Variants in KCNH1 observed in about 807,000 individuals in gnomAD.
KCNH1 encodes voltage-gated delayed rectifier potassium channel KCNH1.
A neutral mutation model predicts 69.2 loss-of-function variants in KCNH1; 27 were observed. That is an observed-to-expected ratio of 0.39 (90% CI 0.29 to 0.54). The LOEUF (loss-of-function observed/expected upper bound fraction) is 0.54. Among genes scored for constraint, KCNH1 ranks in the 20% least tolerant of loss-of-function variants. The pLI is 0.68. For missense variants in KCNH1, 798 were observed against 1,261.6 expected (o/e 0.63, Z 5.57); for synonymous variants, 456 against 487.7 (o/e 0.93, Z 0.86).
intron 7 of KCNH1, among the ~76,000 whole-genome samples, chr1:210,804,891 T>G (rs1684502792): frequency 6.6e-6 from 1 of 152,168 alleles, no homozygotes; most frequent in Non-Finnish European, 1.5e-5. Flanking sequence ...TCAAGTCCCC[T>G]TTGAGACATA....
At chr1:210,964,386 G>A (rs1402655599) in intron 6 of KCNH1, among the ~76,000 whole-genome samples, 1 of 152,028 alleles carries the variant, frequency 6.6e-6, no homozygotes, top group Non-Finnish European at 1.5e-5. Flanking sequence ...CAATTAACAG[G>A]CAGAAAAACT....
At chr1:210,958,959 G>A (rs533378838) in intron 6 of KCNH1, among the ~76,000 whole-genome samples, 6 of 152,152 alleles carry the variant, frequency 3.9e-5, no homozygotes, top group East Asian at 1.9e-4. Context: ...CATTTCTGGC[G>A]AGGAGCTGCG....
chr1:211,014,319 C>A (rs1231367696), intron 6 of KCNH1, among the ~76,000 whole-genome samples: 2 of 152,190 alleles, frequency 1.3e-5, no homozygotes, highest in Non-Finnish European at 2.9e-5. Context: ...TTTGACATAC[C>A]CGTTCTAAGC....
intron 6 of KCNH1, among the ~76,000 whole-genome samples, chr1:210,924,873 C>T (rs73071583): frequency 0.032 from 4,796 of 151,232 alleles, 205 homozygotes; most frequent in African/African-American, 0.1. Flanking sequence ...CACTGAGGCA[C>T]TCACAGATAC....
intron 10 of KCNH1, among the ~76,000 whole-genome samples, chr1:210,722,300 T>A (rs960210705): frequency 3.3e-5 from 5 of 151,950 alleles, no homozygotes; most frequent in African/African-American, 1.2e-4. Flanking sequence ...GGCTTCAGTG[T>A]TTCTTGTTAT....
chr1:210,981,678 C>A (rs911871305), intron 6 of KCNH1, among the ~76,000 whole-genome samples: 3 of 152,248 alleles, frequency 2.0e-5, no homozygotes, highest in African/African-American at 7.2e-5. Flanking sequence ...TCTGTACTGT[C>A]AAATGAAACA....
intron 10 of KCNH1, among the ~76,000 whole-genome samples, chr1:210,729,324 A>C (rs1195993821): frequency 6.6e-6 from 1 of 152,218 alleles, no homozygotes; most frequent in Non-Finnish European, 1.5e-5. Flanking sequence ...CAAGAAAAAA[A>C]ATGCAGCTGT....
At chr1:211,013,964 T>A (rs1274500493) in intron 6 of KCNH1, among the ~76,000 whole-genome samples, 1 of 152,180 alleles carries the variant, frequency 6.6e-6, no homozygotes, top group African/African-American at 2.4e-5. Flanking sequence ...ATTGGCACAT[T>A]TTGCTCCTGT....
Position 211,025,988 on chromosome 1 carries a change from A to G in KCNH1, c.559-6732T>C, listed in dbSNP as rs78545539. Among the ~76,000 whole-genome samples, 210 of 152,248 alleles carry G rather than the reference A, an allele frequency of 1.4e-3. 7 individuals are homozygous for G. The East Asian group carries it at 0.036, about 26-fold the overall frequency. ...AGAGTTCAGGGCCTTTGCAGCCTCC[A>G]TAACTAGCATTGGCCCCCTGGACTC... On this transcript the variant is annotated intron_variant, in intron 5 of 10. Transcript: ENST00000271751.
At chr1:211,000,151 A>T (rs1689144957) in intron 6 of KCNH1, among the ~76,000 whole-genome samples, 2 of 152,210 alleles carry the variant, frequency 1.3e-5, no homozygotes, top group Admixed American at 1.3e-4. Context: ...TAGTGTTGGA[A>T]GTTGTGGCCA....
chr1:210,833,659 G>A (rs374175201), intron 7 of KCNH1, among the ~76,000 whole-genome samples: 1 of 152,028 alleles, frequency 6.6e-6, no homozygotes, highest in East Asian at 1.9e-4. Context: ...AAAAGCAATG[G>A]CAACAAAAGC....
At chr1:210,976,104 G>A (rs1050224834) in intron 6 of KCNH1, among the ~76,000 whole-genome samples, 4 of 152,148 alleles carry the variant, frequency 2.6e-5, no homozygotes, top group Non-Finnish European at 5.9e-5. Context: ...GGAAACAACA[G>A]GTGCTGGAGA....
intron 10 of KCNH1, among the ~76,000 whole-genome samples, chr1:210,704,508 C>T (rs1681858607): frequency 6.6e-6 from 1 of 152,210 alleles, no homozygotes. Context: ...GCCATTACTT[C>T]TGCCATTATT....
intron 10 of KCNH1, among the ~76,000 whole-genome samples, chr1:210,736,964 TCAC>T (rs1446954831): frequency 2.0e-5 from 3 of 152,124 alleles, no homozygotes; most frequent in Non-Finnish European, 4.4e-5. Context: ...CCAAGCAACA[TCAC>T]CATTTATGCA....
intron 6 of KCNH1, among the ~76,000 whole-genome samples, chr1:211,010,109 C>G (rs1294508311): frequency 6.6e-6 from 1 of 152,140 alleles, no homozygotes; most frequent in East Asian, 1.9e-4. Flanking sequence ...GTTCTCCACT[C>G]ACATTCTCCA....
intron 6 of KCNH1, among the ~76,000 whole-genome samples, chr1:210,937,889 ACTT>A (rs1248585445): frequency 1.3e-5 from 2 of 152,164 alleles, no homozygotes; most frequent in Admixed American, 1.3e-4. Context: ...CTTTTCTAGA[ACTT>A]CTTCTCTTCT....
At chr1:211,077,130 T>A (rs1690749747) in intron 5 of KCNH1, among the ~76,000 whole-genome samples, 1 of 152,004 alleles carries the variant, frequency 6.6e-6, no homozygotes, top group African/African-American at 2.4e-5. Context: ...AAATCTACAT[T>A]TGATTGGTGT....
chr1:210,681,696 G>T lies in KCNH1; in HGVS notation c.*1585C>A, dbSNP rs929555213. On this transcript the variant is annotated 3_prime_UTR_variant, in exon 11 of 11. Transcript: ENST00000271751. ...GTAGGGCAGAGGTACCAGGAATGGG[G>T]TCACCGTCTAACACAGGCAAAGGTA... The T allele has an allele frequency of 6.6e-6, 1 of 152,314 alleles. No homozygotes were observed. Among genetic ancestry groups the T allele is most frequent in the African/African-American group, 2.4e-5 (1 of 41,430 alleles). 9.4% of individuals were successfully genotyped at this position (152,314 alleles called of 1,614,324 possible).
intron 5 of KCNH1, among the ~76,000 whole-genome samples, chr1:211,055,007 G>A (rs1450476085): frequency 6.6e-6 from 1 of 152,086 alleles, no homozygotes; most frequent in Non-Finnish European, 1.5e-5. Flanking sequence ...GCCACATCAA[G>A]ACAGTAGAAT....
Sources: gnomAD v4.1 joint callset for allele counts (sites outside exome capture counted in the v4.1 genomes callset) on GRCh38, gnomAD v4.1.1 for gene constraint, MANE v1.5 for transcripts, NCBI Gene and HGNC (gene_info 2026-07-23, HGNC 2026-07-21) for gene names.